ST8SIA2: variants seen among roughly 807,000 people sequenced by gnomAD.
The protein encoded by ST8SIA2 is alpha-2,8-sialyltransferase 8B.
A neutral mutation model predicts 37.6 loss-of-function variants in ST8SIA2; 22 were observed. The observed-to-expected ratio is 0.58, with a 90% CI of 0.42 to 0.83. ST8SIA2 has a LOEUF of 0.83. ST8SIA2 is among the 40% of genes least tolerant of loss of function. ST8SIA2 has a pLI of 0.00. For missense variants in ST8SIA2, 382 were observed against 484.7 expected (o/e 0.79, Z 1.99); for synonymous variants, 205 against 201.2 (o/e 1.02, Z -0.16).
intron 1 of ST8SIA2, among the ~76,000 whole-genome samples, chr15:92,407,969 G>T (rs1418226680): frequency 1.3e-5 from 2 of 152,154 alleles, no homozygotes; most frequent in African/African-American, 2.4e-5. Context: ...TGAAGTTTAT[G>T]CAATGACATC....
intron 3 of ST8SIA2, among the ~76,000 whole-genome samples, chr15:92,434,815 G>A (rs935415693): frequency 6.6e-6 from 1 of 152,210 alleles, no homozygotes. Context: ...GGCTTGTATA[G>A]GCTGCTCCTC....
intron 1 of ST8SIA2, among the ~76,000 whole-genome samples, chr15:92,428,354 G>A (rs920409529): frequency 6.6e-6 from 1 of 152,158 alleles, no homozygotes; most frequent in African/African-American, 2.4e-5. Flanking sequence ...TCTAGAGTAA[G>A]GTGACACTCA....
chr15:92,428,966 T>G (rs529531985), intron 1 of ST8SIA2, among the ~76,000 whole-genome samples: 2 of 152,350 alleles, frequency 1.3e-5, no homozygotes, highest in South Asian at 4.1e-4. Context: ...CAATGTGATA[T>G]ATACAAGTAT....
chr15:92,402,740 C>G, intron 1 of ST8SIA2, among the ~76,000 whole-genome samples: 1 of 152,130 alleles, frequency 6.6e-6, no homozygotes, highest in Non-Finnish European at 1.5e-5. Flanking sequence ...AGGGGCACAC[C>G]GCTCTGCCTC....
chr15:92,453,750 G>A (rs749864675), intron 5 of ST8SIA2, among the ~76,000 whole-genome samples: 2 of 152,198 alleles, frequency 1.3e-5, no homozygotes, highest in African/African-American at 2.4e-5. Context: ...AGGAACAAGA[G>A]AGTTTTATTT....
intron 5 of ST8SIA2, 133 bp downstream of exon 5, chr15:92,445,062 C>G (rs2049832231): frequency 7.6e-7 from 1 of 1,309,998 alleles, no homozygotes; most frequent in Admixed American, 1.8e-5. Flanking sequence ...AGCAAGTCAC[C>G]TGGCCTTTCT....
intron 1 of ST8SIA2, among the ~76,000 whole-genome samples, chr15:92,409,153 G>T (rs1226066886): frequency 6.6e-6 from 1 of 152,170 alleles, no homozygotes; most frequent in African/African-American, 2.4e-5. Flanking sequence ...GAAGCCAAAG[G>T]ACTGGAGGGA....
chr15:92,438,036 C>A (rs1486427329), intron 3 of ST8SIA2, among the ~76,000 whole-genome samples: 1 of 152,170 alleles, frequency 6.6e-6, no homozygotes, highest in Non-Finnish European at 1.5e-5. Flanking sequence ...TGGTGGGCCA[C>A]CCTTCCTTCT....
chr15:92,429,470 C>T (rs926292176), intron 1 of ST8SIA2, among the ~76,000 whole-genome samples: 3 of 152,216 alleles, frequency 2.0e-5, no homozygotes, highest in Non-Finnish European at 2.9e-5. Context: ...GACTCACATA[C>T]ACCCTTCTCA....
At chr15:92,444,496 C>T in intron 4 of ST8SIA2, 140 bp from the exon 5 acceptor site, 2 of 954,158 alleles carry the variant, frequency 2.1e-6, no homozygotes, top group Non-Finnish European at 1.6e-6. Flanking sequence ...ATGGGAGGGG[C>T]CTGTGAGTGT....
chr15:92,432,921 C>G (rs2049727173), intron 2 of ST8SIA2, among the ~76,000 whole-genome samples: 1 of 152,092 alleles, frequency 6.6e-6, no homozygotes, highest in African/African-American at 2.4e-5. Flanking sequence ...CTCCTGAGGT[C>G]AGGAGTTCAA....
chr15:92,432,791 G>A (rs777263526), intron 2 of ST8SIA2, among the ~76,000 whole-genome samples: 11 of 152,204 alleles, frequency 7.2e-5, no homozygotes, highest in Non-Finnish European at 7.3e-5. Context: ...TGAAGGGAAT[G>A]TGTGAGACAA....
At chr15:92,398,010 G>A (rs1420659934) in intron 1 of ST8SIA2, among the ~76,000 whole-genome samples, 2 of 152,158 alleles carry the variant, frequency 1.3e-5, no homozygotes, top group Non-Finnish European at 2.9e-5. Context: ...GCGGGTGCCT[G>A]TAATACCAGC....
intron 5 of ST8SIA2, among the ~76,000 whole-genome samples, chr15:92,447,427 T>G (rs935527860): frequency 6.6e-6 from 1 of 152,090 alleles, no homozygotes; most frequent in Non-Finnish European, 1.5e-5. Flanking sequence ...CCTACCACAC[T>G]CCTGACCTCC....
At chr15:92,436,513 T>C (rs1285538902) in intron 3 of ST8SIA2, among the ~76,000 whole-genome samples, 1 of 152,230 alleles carries the variant, frequency 6.6e-6, no homozygotes, top group Non-Finnish European at 1.5e-5. Context: ...TGGAATGATG[T>C]TTAATAATTG....
At chr15:92,438,941 A>C (rs2049780608) in intron 4 of ST8SIA2, among the ~76,000 whole-genome samples, 1 of 152,168 alleles carries the variant, frequency 6.6e-6, no homozygotes, top group Admixed American at 6.5e-5. Context: ...CTGCAGCCTA[A>C]AGTTTGGTTG....
At position 92,434,249 on chromosome 15, in the gene ST8SIA2, C is replaced by G. The variant is rs1320028526; in HGVS notation, c.164C>G (p.Ala55Gly). The change falls in exon 3 of 6, where the codon GCT becomes GGT. Residue 55 changes from alanine to glycine, a missense_variant and splice_region_variant. By Grantham distance (60) the Ala-to-Gly change is moderately conservative. Transcript: ENST00000268164. ...CTTTCTTTTTTTTTCCCTTCCAGAG[C>G]TGAAGTTGTAATAAACGGCTCCTCA... The part of the protein sequence containing the change: ...VNSLHSKSNR[A>G]EVVINGSSSP... 1.2e-6 allele frequency: 2 copies of G among 1,613,758 alleles called. No homozygotes were observed. Among genetic ancestry groups the G allele is most frequent in the African/African-American group, 2.7e-5 (2 of 74,852 alleles).
chr15:92,408,677 TTTTATTTATTTATTTATTTATTTATTTA>T (rs58508323), intron 1 of ST8SIA2, among the ~76,000 whole-genome samples: 1 of 123,080 alleles, frequency 8.1e-6, no homozygotes, highest in Non-Finnish European at 1.7e-5. Context: ...GTTCCATTTT[TTTTATTTATTTATTTATTTATTTATTTA>T]TTTATTTATT....
chr15:92,464,079 T>C, intron 5 of ST8SIA2, 21 bp from the exon 6 acceptor site: 3 of 1,493,636 alleles, frequency 2.0e-6, no homozygotes, highest in Admixed American at 2.3e-5. Context: ...TTTCTTTTTT[T>C]TTTTTTTTTT....
Sources: allele counts gnomAD v4.1 joint callset (sites outside exome capture counted in the v4.1 genomes callset), GRCh38; gene constraint gnomAD v4.1.1; transcripts MANE v1.5; gene names NCBI Gene and HGNC (gene_info 2026-07-23, HGNC 2026-07-21).